The following TMEM67 variants were observed in gnomAD, a reference collection of about 807,000 sequenced individuals.
TMEM67 encodes the protein meckelin.
In TMEM67, 124 loss-of-function variants were observed where a neutral mutation model predicts 136.6. The ratio of observed to expected loss-of-function variants is 0.91; its 90% CI spans 0.78 to 1.05. TMEM67 has a LOEUF of 1.05. TMEM67 is among the 50% of genes least tolerant of loss of function. The probability of loss-of-function intolerance (pLI) is 0.00; values close to 1 mark genes in which losing one functional copy is unlikely to be tolerated. For missense variants in TMEM67, 1,107 were observed against 1,178.4 expected (o/e 0.94, Z 0.89); for synonymous variants, 364 against 390.5 (o/e 0.93, Z 0.80).
At chr8:93,773,770 A>G (rs901845054) in intron 7 of TMEM67, among the ~76,000 whole-genome samples, 1 of 152,236 alleles carries the variant, frequency 6.6e-6, no homozygotes, top group Non-Finnish European at 1.5e-5. Flanking sequence ...ATTAGATTTT[A>G]TGTGTAAGAT....
In TMEM67 at chr8:93,754,949, C is replaced by A. The variant is rs1812495893; in HGVS notation, c.35C>A (p.Ala12Glu). The change falls in exon 1 of 28, where the codon GCG becomes GAG. Residue 12 changes from alanine to glutamate, a missense_variant. Coordinates refer to ENST00000453321, the MANE Select transcript of TMEM67 (RefSeq NM_153704.6). ...ATRGGAGVAM[A>E]VWSLLSARAV... ...CGCGGTGGGGCTGGGGTGGCAATGGCGGTTTGGTCCCTCTTATCCGCCCGG... is the reference window on the plus strand; with the variant it reads ...CGCGGTGGGGCTGGGGTGGCAATGGAGGTTTGGTCCCTCTTATCCGCCCGG... The A allele has an allele frequency of 3.1e-6, 5 of 1,613,942 alleles. No individual in the cohort carries two copies. The highest frequency in any genetic ancestry group is 1.7e-5 in the Admixed American group (1 of 60,000).
chr8:93,781,054 A>G (rs1040291953), intron 9 of TMEM67, 72 bp downstream of exon 9: 3 of 1,071,844 alleles, frequency 2.8e-6, no homozygotes, highest in African/African-American at 3.2e-5. Context: ...TAAAGTTACA[A>G]TTCTTGCCTT....
intron 21 of TMEM67, 62 bp from the exon 22 acceptor site, chr8:93,803,542 G>A (rs1814959384): frequency 2.8e-6 from 3 of 1,075,764 alleles, no homozygotes; most frequent in Non-Finnish European, 4.3e-6. Flanking sequence ...GCTACACTGT[G>A]GCTGTAAAAG....
At chr8:93,769,542 A>T (rs1813240657) in intron 6 of TMEM67, 1 of 167,144 alleles carries the variant, frequency 6.0e-6, no homozygotes, top group Admixed American at 6.5e-5. Flanking sequence ...CTAAGGACAG[A>T]TTTGGAATTC....
chr8:93,761,180 T>A (rs768049245), intron 3 of TMEM67, among the ~76,000 whole-genome samples: 1 of 152,060 alleles, frequency 6.6e-6, no homozygotes, highest in Non-Finnish European at 1.5e-5. Context: ...ATGCCTGTAA[T>A]CCCAGTTTCT....
intron 20 of TMEM67, 51 bp downstream of exon 20, chr8:93,797,521 A>G (rs770668153): frequency 6.5e-7 from 1 of 1,532,636 alleles, no homozygotes; most frequent in Non-Finnish European, 9.0e-7. Context: ...CCTTATAAAT[A>G]TTAAACTAAT....
chr8:93,781,018 T>C, intron 9 of TMEM67, 36 bp downstream of exon 9: 4 of 1,291,920 alleles, frequency 3.1e-6, no homozygotes, highest in Non-Finnish European at 4.5e-6. Context: ...GATAACTACA[T>C]TTTGATTTAT....
intron 2 of TMEM67, chr8:93,757,090 T>A (rs983672331): frequency 1.4e-5 from 2 of 146,468 alleles, no homozygotes; most frequent in African/African-American, 5.0e-5. Flanking sequence ...ATAAATAAAA[T>A]ATAAATAAAT....
chr8:93,777,035 T>G (rs1813578380), intron 7 of TMEM67, among the ~76,000 whole-genome samples: 1 of 152,220 alleles, frequency 6.6e-6, no homozygotes. Context: ...CAGATGCTGT[T>G]GTTGGTCTAT....
At chr8:93,766,456 A>G (rs538336553) in intron 6 of TMEM67, among the ~76,000 whole-genome samples, 11 of 152,284 alleles carry the variant, frequency 7.2e-5, no homozygotes, top group African/African-American at 2.6e-4. Flanking sequence ...ATTGAGGCCT[A>G]GAGTTAGAGC....
intron 26 of TMEM67, among the ~76,000 whole-genome samples, chr8:93,811,625 A>G (rs1230833341): frequency 1.3e-5 from 2 of 152,096 alleles, no homozygotes; most frequent in Non-Finnish European, 2.9e-5. Flanking sequence ...CTATTTGTAT[A>G]TTTGCAGTTT....
chr8:93,805,428 A>G (rs1048064464), intron 23 of TMEM67, among the ~76,000 whole-genome samples: 1 of 152,026 alleles, frequency 6.6e-6, no homozygotes, highest in Non-Finnish European at 1.5e-5. Context: ...CTAAAAATAC[A>G]AAAAAATTAG....
At chr8:93,801,514 G>T (rs910400723) in intron 21 of TMEM67, among the ~76,000 whole-genome samples, 1 of 151,450 alleles carries the variant, frequency 6.6e-6, no homozygotes, top group Non-Finnish European at 1.5e-5. Flanking sequence ...CGATTCTCCT[G>T]CCTCAGCCTC....
chr8:93,809,995 G>A (rs546878253), intron 26 of TMEM67, 108 bp downstream of exon 26: 49 of 647,974 alleles, frequency 7.6e-5, no homozygotes, highest in Middle Eastern at 4.4e-4. Context: ...TTTAGACGGC[G>A]TCTTGCTCTG....
Position 93,780,676 on chromosome 8 carries a change from T to C in TMEM67, c.798T>C (p.Asp266=). The change falls in exon 8 of 28, where the codon GAT becomes GAC. Residue 266 remains aspartate, a synonymous_variant. Coordinates refer to ENST00000453321, the MANE Select transcript of TMEM67 (RefSeq NM_153704.6). Reference sequence around the variant, plus strand: ...ATTCTTACGACTTTGCCACATTTGATGCATGTGGACTATTTCAGTTTATCT... The same window carrying C: ...ATTCTTACGACTTTGCCACATTTGACGCATGTGGACTATTTCAGTTTATCT... The part of the protein sequence containing the change: ...NMNSYDFATF[D]ACGLFQFIFE... The C allele has an allele frequency of 2.5e-6, 4 of 1,614,100 alleles. No homozygotes were observed. The highest frequency in any genetic ancestry group is 3.4e-6 in the Non-Finnish European group (4 of 1,179,964).
intron 21 of TMEM67, among the ~76,000 whole-genome samples, chr8:93,802,504 A>G (rs1452538987): frequency 1.3e-5 from 2 of 152,220 alleles, no homozygotes; most frequent in Non-Finnish European, 2.9e-5. Flanking sequence ...TCACTTTGCC[A>G]TTAGCTGGAT....
Position 93,765,573 on chromosome 8 carries a change from CAGG to C in TMEM67, c.579_581del (p.Gly195del). ...TTTTTCCCTCATTTATTTATGAAGA[CAGG>C]GGGATTATGTTTCAGCAGCACAGGG... On this transcript the variant is annotated inframe_deletion and splice_region_variant, in exon 6 of 28. Transcript: ENST00000453321. 6.2e-7 allele frequency: 1 copy of C among 1,611,120 alleles called. No individual in the cohort carries two copies. Among genetic ancestry groups the C allele is most frequent in the Non-Finnish European group, 8.5e-7 (1 of 1,177,434 alleles).
Position 93,816,487 on chromosome 8 carries a change from T to C in TMEM67, c.*35T>C. The C allele has an allele frequency of 8.1e-7, 1 of 1,229,190 alleles. No individual in the cohort carries two copies. Among genetic ancestry groups the C allele is most frequent in the Non-Finnish European group, 1.2e-6 (1 of 839,422 alleles). The allele number at this position is 1,229,190 out of a possible 1,614,324, so 76.1% of individuals were successfully genotyped here. On this transcript the variant is annotated 3_prime_UTR_variant, in exon 28 of 28. Transcript: ENST00000453321. ...TAAATAACTTAAAGACTCAGTATAATCATGGCCAAAAAAAAGTCATGATAT... is the reference window on the plus strand; with the variant it reads ...TAAATAACTTAAAGACTCAGTATAACCATGGCCAAAAAAAAGTCATGATAT...
chr8:93,808,491 A>ATTTAT (rs1385815242), intron 23 of TMEM67, among the ~76,000 whole-genome samples: 3 of 145,870 alleles, frequency 2.1e-5, no homozygotes, highest in Non-Finnish European at 3.0e-5. Context: ...TATCTATAAT[A>ATTTAT]GATCTATTAT....
Sources: gnomAD v4.1 joint callset for allele counts (sites outside exome capture counted in the v4.1 genomes callset) on GRCh38, gnomAD v4.1.1 for gene constraint, MANE v1.5 for transcripts, NCBI Gene and HGNC (gene_info 2026-07-23, HGNC 2026-07-21) for gene names.